Variants in LRP1B observed in about 807,000 individuals in gnomAD.
LRP1B encodes low-density lipoprotein receptor-related protein 1B.
In LRP1B, 217 loss-of-function variants were observed where a neutral mutation model predicts 556.6. The observed-to-expected ratio is 0.39, with a 90% confidence interval of 0.35 to 0.44. The LOEUF (loss-of-function observed/expected upper bound fraction) is 0.44, where lower values mean the gene tolerates loss of function less well. LRP1B is among the 20% of genes least tolerant of loss of function. LRP1B has a pLI of 1.00. For missense variants in LRP1B, 5,053 were observed against 5,620.8 expected, an observed-to-expected ratio of 0.90 and a Z score of 3.23; for synonymous variants, 2,047 against 1,865.8, an observed-to-expected ratio of 1.10 and a Z score of -2.50.
At chr2:141,829,794 A>G (rs1697055058) in intron 1 of LRP1B, among the ~76,000 whole-genome samples, 1 of 152,026 alleles carries the variant, frequency 6.6e-6, no homozygotes, top group African/African-American at 2.4e-5. Flanking sequence ...GAAGTCTTAA[A>G]TACCTTTTAT....
At chr2:141,849,656 A>C (rs1461249725) in intron 1 of LRP1B, among the ~76,000 whole-genome samples, 1 of 151,678 alleles carries the variant, frequency 6.6e-6, no homozygotes, top group Non-Finnish European at 1.5e-5. Context: ...TGCAAAAGTT[A>C]TAGCTTATGT....
At chr2:140,252,598 CCTTT>C (rs1421166147) in intron 86 of LRP1B, among the ~76,000 whole-genome samples, 3 of 151,948 alleles carry the variant, frequency 2.0e-5, no homozygotes, top group Non-Finnish European at 4.4e-5. Flanking sequence ...AAATGCTTTT[CCTTT>C]CTTTCTCATG....
chr2:141,552,705 T>C (rs1401094988), intron 2 of LRP1B, among the ~76,000 whole-genome samples: 5 of 151,998 alleles, frequency 3.3e-5, no homozygotes, highest in Admixed American at 6.6e-5. Flanking sequence ...GGTAGTTAAT[T>C]GGCTTGGCGG....
intron 7 of LRP1B, among the ~76,000 whole-genome samples, chr2:141,175,280 A>G (rs1188261723): frequency 6.6e-6 from 1 of 152,154 alleles, no homozygotes; most frequent in African/African-American, 2.4e-5. Context: ...AAAACTTTGC[A>G]TAAGTAAAGA....
At chr2:141,264,409 G>A (rs1419315095) in intron 3 of LRP1B, among the ~76,000 whole-genome samples, 1 of 152,076 alleles carries the variant, frequency 6.6e-6, no homozygotes, top group Non-Finnish European at 1.5e-5. Flanking sequence ...CCAACCATGT[G>A]GTCTGAGAAA....
At chr2:141,624,027 A>T (rs1392730750) in intron 2 of LRP1B, among the ~76,000 whole-genome samples, 3 of 125,050 alleles carry the variant, frequency 2.4e-5, no homozygotes, top group African/African-American at 6.2e-5. Flanking sequence ...AAAAAAAAAA[A>T]AAATTAAACA....
At chr2:140,333,106 T>G (rs1236537804) in intron 79 of LRP1B, among the ~76,000 whole-genome samples, 1 of 151,962 alleles carries the variant, frequency 6.6e-6, no homozygotes, top group Non-Finnish European at 1.5e-5. Context: ...CTCACCTTCT[T>G]TCTGTTTTCA....
intron 1 of LRP1B, among the ~76,000 whole-genome samples, chr2:141,870,313 G>C (rs954210890): frequency 8.6e-5 from 13 of 151,788 alleles, no homozygotes; most frequent in African/African-American, 2.9e-4. Context: ...TATATTAACT[G>C]TCTAGCTACC....
Position 140,297,791 on chromosome 2 carries a change from G to A in LRP1B, c.12967+17C>T. The A allele has an allele frequency of 1.3e-6, 2 of 1,598,142 alleles. No homozygotes were observed. The highest frequency in any genetic ancestry group is 8.6e-7 in the Non-Finnish European group (1 of 1,169,210). ...CATAAACATCAAAGCTGGCTTCTGG[G>A]TGCTGCTTTTACTTACAGTACTGAC... On this transcript the variant is annotated intron_variant, in intron 84 of 90. Coordinates refer to ENST00000389484, the MANE Select transcript of LRP1B (RefSeq NM_018557.3).
intron 43 of LRP1B, among the ~76,000 whole-genome samples, chr2:140,558,296 T>G (rs1680806781): frequency 6.6e-6 from 1 of 151,948 alleles, no homozygotes; most frequent in Non-Finnish European, 1.5e-5. Flanking sequence ...ACACTAAAAT[T>G]TGTACAGAAA....
intron 86 of LRP1B, chr2:140,269,127 TTAAG>T: frequency 2.7e-6 from 1 of 376,330 alleles, no homozygotes; most frequent in South Asian, 2.1e-5. Context: ...GAAGCAAAGG[TTAAG>T]TGTGTATGAC....
At chr2:140,942,570 T>C (rs111449442) in intron 20 of LRP1B, among the ~76,000 whole-genome samples, 1 of 152,154 alleles carries the variant, frequency 6.6e-6, no homozygotes, top group Non-Finnish European at 1.5e-5. Flanking sequence ...AAGTGAATCC[T>C]ATCAGACAAA....
At chr2:141,743,916 C>T (rs1186778714) in intron 2 of LRP1B, among the ~76,000 whole-genome samples, 1 of 150,430 alleles carries the variant, frequency 6.6e-6, no homozygotes, top group African/African-American at 2.4e-5. Context: ...CTGGCTAAAG[C>T]TTTGTCAGTT....
chr2:141,249,540 T>C (rs1684187647), intron 4 of LRP1B, among the ~76,000 whole-genome samples: 1 of 152,060 alleles, frequency 6.6e-6, no homozygotes, highest in Non-Finnish European at 1.5e-5. Context: ...GAGGTTGCAG[T>C]GAGTCGAGAT....
chr2:141,195,377 C>T (rs888578104), intron 6 of LRP1B, among the ~76,000 whole-genome samples: 44 of 152,124 alleles, frequency 2.9e-4, no homozygotes, highest in African/African-American at 1.0e-3. Context: ...TCATGAGAGT[C>T]TCTATAACAG....
At chr2:141,105,242 T>C (rs1482914529) in intron 7 of LRP1B, among the ~76,000 whole-genome samples, 2 of 152,156 alleles carry the variant, frequency 1.3e-5, no homozygotes, top group Non-Finnish European at 2.9e-5. Flanking sequence ...CTTCAAATTA[T>C]ATGGATTTTA....
intron 2 of LRP1B, among the ~76,000 whole-genome samples, chr2:141,773,321 T>C (rs1422166445): frequency 6.6e-6 from 1 of 152,242 alleles, no homozygotes; most frequent in African/African-American, 2.4e-5. Flanking sequence ...TTTAAAATTC[T>C]GGGGAATACA....
chr2:141,308,711 CCTT>C (rs1686694845), intron 3 of LRP1B, among the ~76,000 whole-genome samples: 1 of 152,052 alleles, frequency 6.6e-6, no homozygotes, highest in Non-Finnish European at 1.5e-5. Context: ...TGTAGAGTAT[CCTT>C]CTATTTTCAC....
At chr2:141,848,149 T>A (rs1028078109) in intron 1 of LRP1B, among the ~76,000 whole-genome samples, 2 of 151,486 alleles carry the variant, frequency 1.3e-5, no homozygotes, top group African/African-American at 2.4e-5. Context: ...AAATGACACA[T>A]AAATACCAAT....
Sources: allele counts gnomAD v4.1 joint callset (sites outside exome capture counted in the v4.1 genomes callset), GRCh38; gene constraint gnomAD v4.1.1; transcripts MANE v1.5; gene names NCBI Gene and HGNC (gene_info 2026-07-23, HGNC 2026-07-21).